Variants in TMEM131L observed in about 807,000 individuals in gnomAD.
TMEM131L encodes the protein transmembrane 131 like, also known as transmembrane protein 131-like.
Under a neutral mutation model 192.2 loss-of-function variants are expected in TMEM131L, and 54 were observed. The observed-to-expected ratio is 0.28, with a 90% CI of 0.23 to 0.35. The LOEUF is 0.35. Among genes scored for constraint, TMEM131L ranks in the 10% least tolerant of loss-of-function variants. The pLI is 1.00. For synonymous variants in TMEM131L, 701 were observed against 704.9 expected, an observed-to-expected ratio of 0.99 and a Z score of 0.09; for missense variants, 1,888 against 1,972.9, an observed-to-expected ratio of 0.96 and a Z score of 0.82.
intron 2 of TMEM131L, among the ~76,000 whole-genome samples, chr4:153,473,006 G>A (rs1415851132): frequency 6.6e-6 from 1 of 152,256 alleles, no homozygotes; most frequent in South Asian, 2.1e-4. Context: ...CTAGCCCAGA[G>A]CCTCGCCTGG....
intron 26 of TMEM131L, among the ~76,000 whole-genome samples, chr4:153,618,319 A>T (rs1273732921): frequency 1.4e-5 from 2 of 147,968 alleles, no homozygotes; most frequent in East Asian, 2.0e-4. Context: ...TGCAGAAAAT[A>T]AAAAAAAAAT....
intron 7 of TMEM131L, among the ~76,000 whole-genome samples, chr4:153,559,048 G>C (rs1355587545): frequency 6.6e-6 from 1 of 152,074 alleles, no homozygotes; most frequent in East Asian, 1.9e-4. Flanking sequence ...CTTTCTGATT[G>C]GTAAATAAAG....
At chr4:153,519,799 G>A (rs1734982111) in intron 3 of TMEM131L, among the ~76,000 whole-genome samples, 1 of 152,162 alleles carries the variant, frequency 6.6e-6, no homozygotes, top group Admixed American at 6.5e-5. Context: ...TTACACAGGA[G>A]GACTCTGAAG....
Position 153,596,354 on chromosome 4 carries a change from T to G in TMEM131L, c.2092T>G (p.Tyr698Asp), listed in dbSNP as rs1561226721. ...RVGVVFTPAD[Y>D]GKVTSLILIR... ...TGGCGTAGTTTTCACACCTGCTGAC[T>G]ATGGAAAAGTTACCTCACTCATACT... Residue 698 changes from tyrosine to aspartate, a missense_variant, in exon 20 of 35, where the codon TAT (tyrosine) becomes GAT (aspartate). By Grantham distance (160) the Tyr-to-Asp change is radical. Transcript: ENST00000409959. The G allele has an allele frequency of 6.2e-7, 1 of 1,613,866 alleles. No individual in the cohort carries two copies. The highest frequency in any genetic ancestry group is 1.3e-5 in the African/African-American group (1 of 74,934).
At chr4:153,600,826 A>G (rs1457259206) in intron 21 of TMEM131L, among the ~76,000 whole-genome samples, 1 of 152,210 alleles carries the variant, frequency 6.6e-6, no homozygotes, top group African/African-American at 2.4e-5. Context: ...AAGATTTATT[A>G]GAGGCCAGGC....
At chr4:153,603,020 C>T (rs140631269) in intron 23 of TMEM131L, among the ~76,000 whole-genome samples, 115 of 152,220 alleles carry the variant, frequency 7.6e-4, no homozygotes, top group Middle Eastern at 3.4e-3. Flanking sequence ...CTTGTGTTAG[C>T]TCATGCAGTG....
At chr4:153,506,536 C>G (rs1053540932) in intron 3 of TMEM131L, among the ~76,000 whole-genome samples, 1 of 152,044 alleles carries the variant, frequency 6.6e-6, no homozygotes, top group South Asian at 2.1e-4. Flanking sequence ...TAAATTTCAG[C>G]AAAATGACTG....
chr4:153,633,823 A>C (rs1417780468), intron 32 of TMEM131L, among the ~76,000 whole-genome samples: 1 of 152,212 alleles, frequency 6.6e-6, no homozygotes, highest in Non-Finnish European at 1.5e-5. Flanking sequence ...TCTTGCTCTG[A>C]GTGGACGTTT....
At chr4:153,614,880 C>G (rs1732867952) in intron 26 of TMEM131L, among the ~76,000 whole-genome samples, 1 of 152,172 alleles carries the variant, frequency 6.6e-6, no homozygotes, top group South Asian at 2.1e-4. Flanking sequence ...AGAAAACCAT[C>G]AGGACTTCTT....
chr4:153,563,582 C>G (rs1347046561), intron 7 of TMEM131L, among the ~76,000 whole-genome samples: 5 of 150,760 alleles, frequency 3.3e-5, no homozygotes, highest in African/African-American at 1.2e-4. Context: ...GTCCTCCTGC[C>G]TCAGCCTCCC....
intron 3 of TMEM131L, among the ~76,000 whole-genome samples, chr4:153,535,938 G>C (rs1282532196): frequency 6.6e-6 from 1 of 152,126 alleles, no homozygotes; most frequent in African/African-American, 2.4e-5. Flanking sequence ...TCATGTTGCT[G>C]TTTACAATCT....
intron 7 of TMEM131L, among the ~76,000 whole-genome samples, chr4:153,578,308 A>T (rs76522651): frequency 3.3e-4 from 50 of 152,170 alleles, no homozygotes; most frequent in African/African-American, 1.2e-3. Context: ...TTGCGCTATG[A>T]TTGTGCCTGT....
chr4:153,501,095 C>A (rs1733573303), intron 3 of TMEM131L, among the ~76,000 whole-genome samples: 3 of 152,086 alleles, frequency 2.0e-5, no homozygotes, highest in African/African-American at 7.2e-5. Flanking sequence ...TTTAGAGAAT[C>A]CCACCAAGCA....
intron 17 of TMEM131L, 120 bp from the exon 18 acceptor site, chr4:153,592,355 G>A: frequency 3.0e-6 from 2 of 672,024 alleles, no homozygotes; most frequent in East Asian, 2.7e-5. Context: ...TTCCTATGAT[G>A]TTTCTTGATT....
At chr4:153,596,533 G>T in intron 20 of TMEM131L, 148 bp downstream of exon 20, 1 of 889,422 alleles carries the variant, frequency 1.1e-6, no homozygotes, top group South Asian at 1.6e-5. Flanking sequence ...AGCTGAGAAA[G>T]AGGTCACTGG....
chr4:153,584,835 C>T lies in TMEM131L; in HGVS notation c.1061C>T (p.Ala354Val), dbSNP rs375611056. The change falls in exon 12 of 35, where the codon GCA becomes GTA. Residue 354 changes from alanine (A) to valine (V), a missense_variant and splice_region_variant. Physicochemically the swap from Ala to Val is moderately conservative, Grantham distance 64 (BLOSUM62 0). Coordinates refer to ENST00000409959, the MANE Select transcript of TMEM131L (RefSeq NM_001131007.2). ...ACATTTATTTCTTTATACCACAAAG[C>T]AGCTACATCATGTGACAGTGGAATT... ...FTKIASFTCK[A>V]ATSCDSGIIE... is the part of the protein sequence containing the mutation. 467 of 1,610,762 alleles carry T rather than the reference C, an allele frequency of 2.9e-4. No individual in the cohort carries two copies. The highest frequency in any genetic ancestry group is 3.6e-4 in the Non-Finnish European group (426 of 1,177,138).
chr4:153,467,462 C>A (rs549542957), intron 2 of TMEM131L, among the ~76,000 whole-genome samples, 181 bp downstream of exon 2: 1 of 152,342 alleles, frequency 6.6e-6, no homozygotes, highest in East Asian at 1.9e-4. Context: ...GCTCCTCCCA[C>A]GCCATGTGAC....
At chr4:153,516,396 A>G (rs983514011) in intron 3 of TMEM131L, among the ~76,000 whole-genome samples, 5 of 151,962 alleles carry the variant, frequency 3.3e-5, no homozygotes, top group Non-Finnish European at 7.4e-5. Flanking sequence ...TGCCGGGCTA[A>G]TTGTTATATA....
intron 27 of TMEM131L, among the ~76,000 whole-genome samples, 186 bp downstream of exon 27, chr4:153,621,066 G>A (rs1195251543): frequency 6.6e-6 from 1 of 152,036 alleles, no homozygotes; most frequent in East Asian, 1.9e-4. Context: ...TTTTTATTTT[G>A]TTAAAAATAC....
Sources: gnomAD v4.1 joint callset for allele counts (sites outside exome capture counted in the v4.1 genomes callset) on GRCh38, gnomAD v4.1.1 for gene constraint, MANE v1.5 for transcripts, NCBI Gene and HGNC (gene_info 2026-07-23, HGNC 2026-07-21) for gene names.